The following PIGL variants were observed in gnomAD, a reference collection of about 807,000 sequenced individuals.
The protein encoded by PIGL is N-acetylglucosaminyl-phosphatidylinositol de-N-acetylase.
In PIGL, 22 loss-of-function variants were observed where a neutral mutation model predicts 31.1. That is an observed-to-expected ratio of 0.71 (90% confidence interval 0.51 to 1.01). PIGL has a LOEUF of 1.01. Among genes scored for constraint, PIGL ranks in the 50% least tolerant of loss-of-function variants. The pLI is 0.00. For synonymous variants in PIGL, 131 were observed against 117.4 expected (o/e 1.12, Z -0.75); for missense variants, 302 against 315.9 (o/e 0.96, Z 0.33).
intron 4 of PIGL, among the ~76,000 whole-genome samples, chr17:16,315,654 A>G (rs9908081): frequency 0.01 from 1,551 of 148,936 alleles, 26 homozygotes; most frequent in African/African-American, 0.036. Flanking sequence ...CTTCATTCTC[A>G]GGATCCCAGA....
At chr17:16,315,964 G>A (rs1568844624) in intron 4 of PIGL, among the ~76,000 whole-genome samples, 1 of 151,918 alleles carries the variant, frequency 6.6e-6, no homozygotes, top group Non-Finnish European at 1.5e-5. Context: ...CCAAAGTGCT[G>A]GGTTTACAGG....
intron 1 of PIGL, among the ~76,000 whole-genome samples, chr17:16,224,891 CG>C (rs1348176348): frequency 3.3e-5 from 5 of 150,678 alleles, no homozygotes; most frequent in South Asian, 2.1e-4. Flanking sequence ...CTCCTGACCT[CG>C]TGATCCGCCC....
chr17:16,234,175 A>G, intron 2 of PIGL, 105 bp downstream of exon 2: 2 of 685,342 alleles, frequency 2.9e-6, no homozygotes, highest in Non-Finnish European at 5.1e-6. Context: ...AACATCTTGT[A>G]TGAAAAGTCT....
chr17:16,325,208 G>C (rs926691720), intron 6 of PIGL, among the ~76,000 whole-genome samples: 1 of 152,062 alleles, frequency 6.6e-6, no homozygotes, highest in East Asian at 1.9e-4. Flanking sequence ...AGCCAGGCAT[G>C]GTGGCAGGTG....
chr17:16,295,889 T>C (rs115915055), intron 2 of PIGL, among the ~76,000 whole-genome samples: 7,380 of 152,176 alleles, frequency 0.048, 222 homozygotes, highest in African/African-American at 0.09. Context: ...TGCAGTGAGC[T>C]AGGATGGTGC....
At chr17:16,271,087 A>T (rs2142769696) in intron 2 of PIGL, among the ~76,000 whole-genome samples, 1 of 152,260 alleles carries the variant, frequency 6.6e-6, no homozygotes, top group Admixed American at 6.5e-5. Flanking sequence ...AGTCTATTAA[A>T]ATTATTGTGA....
chr17:16,231,346 C>T (rs2092678633), intron 1 of PIGL, among the ~76,000 whole-genome samples: 2 of 151,352 alleles, frequency 1.3e-5, no homozygotes, highest in South Asian at 4.2e-4. Context: ...GCGTTCCTCC[C>T]ACTTCAGCCT....
chr17:16,269,105 A>G (rs1224172216), intron 2 of PIGL, among the ~76,000 whole-genome samples: 1 of 152,148 alleles, frequency 6.6e-6, no homozygotes, highest in Non-Finnish European at 1.5e-5. Flanking sequence ...CCTTAAATTT[A>G]TTAACTTGTT....
intron 2 of PIGL, among the ~76,000 whole-genome samples, chr17:16,255,694 C>T (rs1373570334): frequency 6.6e-6 from 1 of 152,206 alleles, no homozygotes; most frequent in African/African-American, 2.4e-5. Context: ...CAAAGCGGAT[C>T]TGACCACGCG....
chr17:16,323,677 A>T (rs530810241), intron 6 of PIGL, among the ~76,000 whole-genome samples: 48 of 135,596 alleles, frequency 3.5e-4, no homozygotes, highest in African/African-American at 1.4e-3. Flanking sequence ...TAGTGGTAAG[A>T]TCTCAGCTCA....
chr17:16,317,991 G>GCCCT (rs2093085806), intron 6 of PIGL, 83 bp downstream of exon 6: 2 of 1,233,624 alleles, frequency 1.6e-6, no homozygotes, highest in African/African-American at 1.5e-5. Context: ...CTCTGCAGAA[G>GCCCT]CCCTAACTGA....
intron 2 of PIGL, among the ~76,000 whole-genome samples, chr17:16,267,326 G>T (rs951034041): frequency 6.6e-6 from 1 of 152,128 alleles, no homozygotes; most frequent in African/African-American, 2.4e-5. Context: ...CTATCTTGCT[G>T]TCTCAGGGGT....
intron 2 of PIGL, among the ~76,000 whole-genome samples, chr17:16,267,548 C>A (rs1433323952): frequency 6.6e-6 from 1 of 151,862 alleles, no homozygotes; most frequent in South Asian, 2.1e-4. Context: ...CAGAAATTAG[C>A]CTGAATTTAG....
chr17:16,298,507 T>G (rs1201203390), intron 2 of PIGL, among the ~76,000 whole-genome samples: 1 of 152,160 alleles, frequency 6.6e-6, no homozygotes, highest in Admixed American at 6.5e-5. Flanking sequence ...TTCAGCAGGT[T>G]GGAGAAGGAG....
At chr17:16,322,373 G>A (rs2094334335) in intron 6 of PIGL, among the ~76,000 whole-genome samples, 2 of 152,158 alleles carry the variant, frequency 1.3e-5, no homozygotes, top group Admixed American at 1.3e-4. Flanking sequence ...GGGATTACAG[G>A]CGGGAGTCAC....
chr17:16,278,486 C>G (rs1479239869), intron 2 of PIGL, among the ~76,000 whole-genome samples: 1 of 152,154 alleles, frequency 6.6e-6, no homozygotes, highest in Non-Finnish European at 1.5e-5. Context: ...AAACCCTTTA[C>G]AATTTTTGTT....
intron 1 of PIGL, among the ~76,000 whole-genome samples, chr17:16,225,296 T>A (rs1011764034): frequency 6.6e-6 from 1 of 152,038 alleles, no homozygotes; most frequent in Non-Finnish European, 1.5e-5. Flanking sequence ...AGTCTGTATA[T>A]CTGATTCTGT....
In PIGL at chr17:16,218,904, CCT is replaced by C. The variant is rs2092612337; in HGVS notation, c.235+1444_235+1445del. Among the ~76,000 whole-genome samples, 4 of 151,854 alleles carry C rather than the reference CCT, an allele frequency of 2.6e-5. No individual in the cohort carries two copies. The South Asian group carries it at 8.3e-4, about 32-fold the overall frequency. ...ATGTTAGCCAGGCTGGTCTCAAACT[CCT>C]GACCTCTAGTGATCCACCTGCCTTG... On this transcript the variant is annotated intron_variant, in intron 1 of 6. Transcript: ENST00000225609.
intron 1 of PIGL, among the ~76,000 whole-genome samples, chr17:16,226,569 T>A (rs968588137): frequency 6.6e-6 from 1 of 152,242 alleles, no homozygotes; most frequent in Non-Finnish European, 1.5e-5. Flanking sequence ...CAAGTGCATA[T>A]GGGACTAGAA....
Sources: allele counts gnomAD v4.1 joint callset (sites outside exome capture counted in the v4.1 genomes callset), GRCh38; gene constraint gnomAD v4.1.1; transcripts MANE v1.5; gene names NCBI Gene and HGNC (gene_info 2026-07-23, HGNC 2026-07-21).